Variants in MAPK6 observed in about 807,000 individuals in gnomAD.
The protein encoded by MAPK6 is ERK-3.
A neutral mutation model predicts 59.3 loss-of-function variants in MAPK6; 19 were observed. That is an observed-to-expected ratio of 0.32 (90% CI 0.22 to 0.47). The LOEUF (loss-of-function observed/expected upper bound fraction) is 0.47, where lower values mean the gene tolerates loss of function less well. Ranked by LOEUF, MAPK6 falls within the 20% of genes least tolerant of loss-of-function variation. MAPK6 has a pLI of 1.00. For missense variants in MAPK6, 724 were observed against 847.9 expected (o/e 0.85, Z 1.81); for synonymous variants, 316 against 290.3 (o/e 1.09, Z -0.90).
chr15:52,013,842 A>C (rs1331192099), intron 3 of MAPK6, among the ~76,000 whole-genome samples: 1 of 152,160 alleles, frequency 6.6e-6, no homozygotes, highest in African/African-American at 2.4e-5. Context: ...TCTCTTGCTC[A>C]ATCTACCCTT....
chr15:52,054,741 C>CAG (rs1456273274), intron 3 of MAPK6, among the ~76,000 whole-genome samples: 8 of 150,550 alleles, frequency 5.3e-5, no homozygotes, highest in Admixed American at 3.3e-4. Context: ...CACACACACA[C>CAG]ACACACACAT....
intron 2 of MAPK6, among the ~76,000 whole-genome samples, chr15:51,997,590 C>CTTT (rs747963086): frequency 3.0e-5 from 4 of 135,060 alleles, no homozygotes; most frequent in Admixed American, 7.6e-5. Context: ...TTCTTTCTTT[C>CTTT]TTTTTTTTTT....
intron 1 of MAPK6, among the ~76,000 whole-genome samples, chr15:52,040,255 ACCTTTC>A (rs879816329): frequency 1.3e-5 from 2 of 152,220 alleles, no homozygotes; most frequent in African/African-American, 4.8e-5. Flanking sequence ...GAAAAGCTCA[ACCTTTC>A]CCTTCTGTCC....
chr15:52,016,462 G>T (rs1395433181), upstream of MAPK6, among the ~76,000 whole-genome samples: 1 of 151,878 alleles, frequency 6.6e-6, no homozygotes, highest in African/African-American at 2.4e-5. Flanking sequence ...TCAACTATCT[G>T]CAATAAATAT....
chr15:52,059,637 T>C (rs2032119521), intron 4 of MAPK6, among the ~76,000 whole-genome samples: 1 of 152,204 alleles, frequency 6.6e-6, no homozygotes, highest in African/African-American at 2.4e-5. Context: ...TGCTGTATAA[T>C]GCTATTTGAA....
At position 52,002,777 on chromosome 15, in the gene MAPK6, G is replaced by T. The variant is rs1042014236; in HGVS notation, c.-769-1488G>T. 7.2e-5 allele frequency among the ~76,000 whole-genome samples: 11 copies of T among 152,306 alleles called. No individual in the cohort carries two copies. In the East Asian group the frequency reaches 9.6e-4, roughly 13 times the overall value. On this transcript the variant is annotated intron_variant, in intron 2 of 7. Transcript: ENST00000691380. ...ACTGACTCAACAGTTCCGCATGGCT[G>T]GGGAGGCCTCAGGAGACTTACAATC...
At chr15:52,039,509 CTTTTTTTT>C (rs11341546) in intron 1 of MAPK6, among the ~76,000 whole-genome samples, 27 of 85,834 alleles carry the variant, frequency 3.1e-4, no homozygotes, top group Non-Finnish European at 4.5e-4. Flanking sequence ...AGTGTTTTGT[CTTTTTTTT>C]TTTTTTTTTT....
intron 3 of MAPK6, among the ~76,000 whole-genome samples, chr15:52,006,134 TAAGA>T (rs1201898454): frequency 4.6e-5 from 7 of 152,348 alleles, no homozygotes; most frequent in African/African-American, 1.7e-4. Flanking sequence ...TGCTTTATTC[TAAGA>T]AAGAGACCCA....
At chr15:52,034,076 C>A (rs2031147127) in intron 1 of MAPK6, 1 of 151,340 alleles carries the variant, frequency 6.6e-6, no homozygotes, top group Non-Finnish European at 1.5e-5. Flanking sequence ...ACCTCTGCCT[C>A]CCGGGTTCAA....
Position 52,064,599 on chromosome 15 carries a change from T to G in MAPK6, c.1765T>G (p.Tyr589Asp). 6.2e-7 allele frequency: 1 copy of G among 1,611,918 alleles called. No individual in the cohort carries two copies. Among genetic ancestry groups the G allele is most frequent in the African/African-American group, 1.3e-5 (1 of 74,988 alleles). Residue 589 changes from tyrosine (Y) to aspartate (D), a missense_variant, in exon 6 of 6, where the codon TAC (tyrosine) becomes GAC (aspartate). Transcript: ENST00000261845. ...AAATCTGGCTCAATTAGAAGCCTTGTACCAGTCTTCTTGGGACAGCCAGTT... is the reference window on the plus strand; with the variant it reads ...AAATCTGGCTCAATTAGAAGCCTTGGACCAGTCTTCTTGGGACAGCCAGTT... ...MANLAQLEAL[Y>D]QSSWDSQFVS...
At chr15:51,971,920 A>G (rs1339507028) in intron 1 of MAPK6, 16 of 647,600 alleles carry the variant, frequency 2.5e-5, no homozygotes, top group Non-Finnish European at 3.9e-5. Context: ...TGCATGGTAT[A>G]TAAGCCCGGC....
chr15:52,059,440 TA>T (rs1183587243), intron 4 of MAPK6, among the ~76,000 whole-genome samples: 1 of 152,128 alleles, frequency 6.6e-6, no homozygotes, highest in Non-Finnish European at 1.5e-5. Flanking sequence ...GGAGCACTTT[TA>T]AAATGCTGAA....
chr15:51,972,350 G>A (rs767495195), intron 1 of MAPK6, among the ~76,000 whole-genome samples: 188 of 151,340 alleles, frequency 1.2e-3, no homozygotes, highest in Non-Finnish European at 1.9e-3. Flanking sequence ...TGTTGCCCAG[G>A]CTGGTCGCAA....
In MAPK6 at chr15:52,067,024, T is replaced by G. The variant is rs531267736; in HGVS notation, c.*2024T>G. Reference sequence around the variant, plus strand: ...TAAAGGAAGCAACGGGCAGCAGACATTGGTCCCTGATCCTCCATTATAACC... The same window carrying G: ...TAAAGGAAGCAACGGGCAGCAGACAGTGGTCCCTGATCCTCCATTATAACC... On this transcript the variant is annotated 3_prime_UTR_variant, in exon 6 of 6. Coordinates refer to ENST00000261845, the MANE Select transcript of MAPK6 (RefSeq NM_002748.4). The G allele has an allele frequency of 6.6e-6, 1 of 152,186 alleles. No individual in the cohort carries two copies. The highest frequency in any genetic ancestry group is 1.5e-5 in the Non-Finnish European group (1 of 68,042). The allele number at this position is 152,186 out of a possible 1,614,324, so 9.4% of individuals were successfully genotyped here.
chr15:51,991,231 A>G (rs1595959796), intron 2 of MAPK6, among the ~76,000 whole-genome samples: 1 of 151,970 alleles, frequency 6.6e-6, no homozygotes, highest in Non-Finnish European at 1.5e-5. Context: ...ATGTGTATAT[A>G]TGTGTGTATA....
intron 2 of MAPK6, among the ~76,000 whole-genome samples, chr15:51,984,990 A>G (rs2057186405): frequency 6.6e-6 from 1 of 152,224 alleles, no homozygotes; most frequent in South Asian, 2.1e-4. Flanking sequence ...GAATAAAAAT[A>G]TTAACTTAAA....
Position 52,064,827 on chromosome 15 carries a change from A to G in MAPK6, c.1993A>G (p.Ser665Gly). ...RGHEEGFLNN[S>G]GEFLFNKQLE... ...ACATGAGGAAGGATTTCTGAACAAC[A>G]GTGGGGAGTTCCTCTTTAACAAGCA... Residue 665 changes from serine to glycine, a missense_variant, in exon 6 of 6, where the codon AGT becomes GGT. Transcript: ENST00000261845. 16 of 1,611,972 alleles carry G rather than the reference A, an allele frequency of 9.9e-6. No homozygotes were observed. The highest frequency in any genetic ancestry group is 1.3e-5 in the Non-Finnish European group (15 of 1,179,828).
At chr15:52,030,644 G>A (rs146769897) in intron 1 of MAPK6, among the ~76,000 whole-genome samples, 1,406 of 101,674 alleles carry the variant, frequency 0.014, 40 homozygotes, top group East Asian at 0.068. Flanking sequence ...TTTTTTTTGA[G>A]GCAGAGTCTC....
intron 2 of MAPK6, among the ~76,000 whole-genome samples, chr15:51,987,479 C>T (rs1263214533): frequency 6.6e-6 from 1 of 151,976 alleles, no homozygotes; most frequent in Non-Finnish European, 1.5e-5. Context: ...GTGGCGTGCA[C>T]CTGTAGTTCC....
Sources: allele counts gnomAD v4.1 joint callset (sites outside exome capture counted in the v4.1 genomes callset), GRCh38; gene constraint gnomAD v4.1.1; transcripts MANE v1.5; gene names NCBI Gene and HGNC (gene_info 2026-07-23, HGNC 2026-07-21).